CACNB2: variants seen among roughly 807,000 people sequenced by gnomAD.
CACNB2 encodes calcium voltage-gated channel auxiliary subunit beta 2.
A neutral mutation model predicts 73.3 loss-of-function variants in CACNB2; 42 were observed. The ratio of observed to expected loss-of-function variants is 0.57; its 90% CI spans 0.45 to 0.74. CACNB2 has a LOEUF of 0.74. CACNB2 is among the 30% of genes least tolerant of loss of function. The pLI, the probability that CACNB2 is intolerant of heterozygous loss-of-function variation, is 0.00. For synonymous variants in CACNB2, 348 were observed against 310.3 expected (o/e 1.12, Z -1.28); for missense variants, 940 against 853.0 (o/e 1.10, Z -1.27).
chr10:18,183,165 C>A (rs1384470079), intron 2 of CACNB2, among the ~76,000 whole-genome samples: 5 of 152,020 alleles, frequency 3.3e-5, no homozygotes, highest in Non-Finnish European at 7.3e-5. Flanking sequence ...ATCCCAGTAT[C>A]AACCCACACA....
intron 3 of CACNB2, among the ~76,000 whole-genome samples, chr10:18,402,251 T>C (rs1677964830): frequency 6.6e-6 from 1 of 152,232 alleles, no homozygotes; most frequent in African/African-American, 2.4e-5. Flanking sequence ...TGTTGTTTTA[T>C]AATCCAAGCA....
intron 2 of CACNB2, among the ~76,000 whole-genome samples, chr10:18,281,705 A>C (rs1286626776): frequency 6.6e-6 from 1 of 152,158 alleles, no homozygotes; most frequent in Non-Finnish European, 1.5e-5. Flanking sequence ...CAGAGGAGGA[A>C]ACGCCAAAAT....
At chr10:18,382,685 T>C (rs1298513670) in intron 2 of CACNB2, among the ~76,000 whole-genome samples, 1 of 152,150 alleles carries the variant, frequency 6.6e-6, no homozygotes, top group Non-Finnish European at 1.5e-5. Flanking sequence ...TCATGGCTTC[T>C]AGCTCCATCC....
At chr10:18,174,601 AC>A (rs2033469685) in intron 2 of CACNB2, among the ~76,000 whole-genome samples, 1 of 151,800 alleles carries the variant, frequency 6.6e-6, no homozygotes, top group Non-Finnish European at 1.5e-5. Flanking sequence ...ACGGGGTTTC[AC>A]CATGTTGGCC....
intron 3 of CACNB2, among the ~76,000 whole-genome samples, chr10:18,463,053 G>A (rs928643599): frequency 5.9e-5 from 9 of 152,090 alleles, no homozygotes; most frequent in South Asian, 2.1e-4. Context: ...CACCGCACCC[G>A]GCCACTTATT....
At chr10:18,515,386 T>G (rs2051175638) in intron 7 of CACNB2, among the ~76,000 whole-genome samples, 1 of 152,218 alleles carries the variant, frequency 6.6e-6, no homozygotes, top group Non-Finnish European at 1.5e-5. Context: ...TTTAGAATCA[T>G]ACTAATGTCG....
intron 2 of CACNB2, among the ~76,000 whole-genome samples, chr10:18,376,741 G>A (rs966593684): frequency 1.3e-5 from 2 of 152,204 alleles, no homozygotes; most frequent in South Asian, 2.1e-4. Context: ...CTCGGAGGAG[G>A]GTTATCTTAA....
At chr10:18,156,424 T>C (rs990115655) in intron 2 of CACNB2, among the ~76,000 whole-genome samples, 3 of 152,226 alleles carry the variant, frequency 2.0e-5, no homozygotes, top group Admixed American at 6.5e-5. Context: ...TACAAGAGGA[T>C]TGGGGAAATG....
At chr10:18,279,244 T>G (rs2038434685) in intron 2 of CACNB2, among the ~76,000 whole-genome samples, 1 of 152,144 alleles carries the variant, frequency 6.6e-6, no homozygotes, top group Non-Finnish European at 1.5e-5. Flanking sequence ...AGAGAGCCCC[T>G]CCCTCCCGGA....
At chr10:18,164,981 G>A (rs1343509468) in intron 2 of CACNB2, among the ~76,000 whole-genome samples, 1 of 152,036 alleles carries the variant, frequency 6.6e-6, no homozygotes, top group Non-Finnish European at 1.5e-5. Context: ...GCCTTTGCCA[G>A]GCAGTGGGCC....
chr10:18,200,272 G>GT (rs111298691), intron 2 of CACNB2, among the ~76,000 whole-genome samples: 2 of 151,612 alleles, frequency 1.3e-5, no homozygotes, highest in South Asian at 4.1e-4. Flanking sequence ...CAAAAAAAAA[G>GT]TTTTTTTGTG....
At chr10:18,178,627 A>G (rs948974851) in intron 2 of CACNB2, among the ~76,000 whole-genome samples, 1 of 152,162 alleles carries the variant, frequency 6.6e-6, no homozygotes, top group Non-Finnish European at 1.5e-5. Flanking sequence ...TTCATTTAGC[A>G]TGGGTGATAG....
intron 2 of CACNB2, chr10:18,206,233 T>A (rs1410406031): frequency 6.6e-6 from 1 of 152,366 alleles, no homozygotes; most frequent in African/African-American, 2.4e-5. Flanking sequence ...CTCAGGTGAT[T>A]CACCCGCCTC....
rs531420533 is a variant in CACNB2, at chr10:18,390,480, G to A, written c.214-11444G>A. Among the ~76,000 whole-genome samples the A allele has an allele frequency of 7.2e-5, 11 of 152,298 alleles. No individual in the cohort carries two copies. The South Asian group carries it at 2.1e-3, about 29-fold the overall frequency. ...GCCCACCTTGGCCTCCCAAAGTGCT[G>A]GGATTACAGGCATGAGCCACGGGGC... On this transcript the variant is annotated intron_variant, in intron 2 of 13. Transcript: ENST00000324631.
chr10:18,328,172 G>C (rs2040658218), intron 2 of CACNB2, among the ~76,000 whole-genome samples: 1 of 152,166 alleles, frequency 6.6e-6, no homozygotes, highest in South Asian at 2.1e-4. Flanking sequence ...ACTGAACAAT[G>C]ATGAACCATG....
intron 2 of CACNB2, among the ~76,000 whole-genome samples, chr10:18,393,027 G>A (rs2043551077): frequency 6.6e-6 from 1 of 152,044 alleles, no homozygotes; most frequent in Non-Finnish European, 1.5e-5. Context: ...TGACCAACAT[G>A]ATGAAACCCC....
At chr10:18,273,926 C>T (rs879435492) in intron 2 of CACNB2, among the ~76,000 whole-genome samples, 2 of 152,096 alleles carry the variant, frequency 1.3e-5, no homozygotes. Flanking sequence ...TTTGTTTCTT[C>T]TTGTTGTTGG....
chr10:18,286,442 C>A lies in CACNB2; in HGVS notation c.214-115482C>A, dbSNP rs182042537. Among the ~76,000 whole-genome samples, 710 of 143,478 alleles carry A rather than the reference C, an allele frequency of 4.9e-3. 18 individuals are homozygous for A. The South Asian group carries it at 0.057, about 12-fold the overall frequency. 94.1% of individuals were successfully genotyped at this position (143,478 alleles called of 152,430 possible). ...CTGAGGCAGGAAAATGGCGTGAACC[C>A]TGCAGGTGGAGCTTGCAGCAAGCCG... On this transcript the variant is annotated intron_variant, in intron 2 of 13. Transcript: ENST00000324631.
At chr10:18,197,955 TATA>T (rs1042643036) in intron 2 of CACNB2, among the ~76,000 whole-genome samples, 49 of 148,168 alleles carry the variant, frequency 3.3e-4, no homozygotes, top group African/African-American at 1.1e-3. Flanking sequence ...TTAATTGTAT[TATA>T]ATCAATATAC....
Sources: allele counts gnomAD v4.1 joint callset (sites outside exome capture counted in the v4.1 genomes callset), GRCh38; gene constraint gnomAD v4.1.1; transcripts MANE v1.5; gene names NCBI Gene and HGNC (gene_info 2026-07-23, HGNC 2026-07-21).